ESRRG: variants seen among roughly 807,000 people sequenced by gnomAD.
ESRRG encodes the protein estrogen-related receptor gamma.
ESRRG carries 13 observed loss-of-function variants against 44.0 expected under a neutral mutation model. The ratio of observed to expected loss-of-function variants is 0.30; its 90% CI spans 0.19 to 0.47. ESRRG has a LOEUF of 0.47. Ranked by LOEUF, ESRRG falls within the 20% of genes least tolerant of loss-of-function variation. The pLI is 1.00. For synonymous variants in ESRRG, 215 were observed against 214.6 expected, an observed-to-expected ratio of 1.00 and a Z score of -0.02; for missense variants, 395 against 580.6, an observed-to-expected ratio of 0.68 and a Z score of 3.29.
intron 3 of ESRRG, among the ~76,000 whole-genome samples, chr1:216,592,243 T>A (rs2057781584): frequency 6.6e-6 from 1 of 152,200 alleles, no homozygotes; most frequent in African/African-American, 2.4e-5. Flanking sequence ...GTCAATGAAA[T>A]TAAACTGGTC....
At chr1:216,523,844 CA>C (rs2046837913) in intron 5 of ESRRG, among the ~76,000 whole-genome samples, 1 of 132,640 alleles carries the variant, frequency 7.5e-6, no homozygotes, top group Non-Finnish European at 1.5e-5. Context: ...TTTTCTGTTC[CA>C]CAAAAAAAAA....
intron 1 of ESRRG, among the ~76,000 whole-genome samples, chr1:217,121,593 C>T (rs1407270367): frequency 1.3e-5 from 2 of 151,942 alleles, no homozygotes; most frequent in Non-Finnish European, 2.9e-5. Flanking sequence ...ATGAAAATGA[C>T]TGGAGATAGA....
chr1:216,723,556 G>A (rs2086844840), upstream of ESRRG: 1 of 497,224 alleles, frequency 2.0e-6, no homozygotes, highest in Non-Finnish European at 3.6e-6. Context: ...CAATCAGGAG[G>A]GAGGCGACGG....
intron 2 of ESRRG, among the ~76,000 whole-genome samples, chr1:216,808,910 A>G (rs749260889): frequency 4.6e-5 from 7 of 151,740 alleles, no homozygotes; most frequent in African/African-American, 9.7e-5. Flanking sequence ...TTTTCCTCCT[A>G]TTTTTTTCTT....
intron 5 of ESRRG, among the ~76,000 whole-genome samples, chr1:216,533,463 C>T (rs1273738069): frequency 6.6e-6 from 1 of 151,882 alleles, no homozygotes; most frequent in African/African-American, 2.4e-5. Context: ...GTTAACTGAC[C>T]CCCTATCTCA....
At chr1:216,764,557 C>T (rs1559546687) in intron 2 of ESRRG, among the ~76,000 whole-genome samples, 2 of 148,992 alleles carry the variant, frequency 1.3e-5, no homozygotes, top group Non-Finnish European at 1.5e-5. Context: ...GCATGAGACA[C>T]CATGCCCGGC....
intron 2 of ESRRG, among the ~76,000 whole-genome samples, chr1:216,927,586 G>T (rs900803041): frequency 6.6e-6 from 1 of 152,222 alleles, no homozygotes; most frequent in South Asian, 2.1e-4. Context: ...CACAATCTTA[G>T]GGCCAGCCAT....
At chr1:216,667,276 A>G (rs1270551763) in intron 2 of ESRRG, among the ~76,000 whole-genome samples, 1 of 152,262 alleles carries the variant, frequency 6.6e-6, no homozygotes, top group East Asian at 1.9e-4. Flanking sequence ...AATTTATTCC[A>G]GAATTACATC....
At chr1:217,133,391 A>G (rs1244608378) in intron 1 of ESRRG, among the ~76,000 whole-genome samples, 1 of 152,278 alleles carries the variant, frequency 6.6e-6, no homozygotes, top group African/African-American at 2.4e-5. Context: ...TTTATGCTAA[A>G]GTAAAATTGC....
chr1:217,118,362 C>T (rs942233731), intron 1 of ESRRG, among the ~76,000 whole-genome samples: 10 of 152,204 alleles, frequency 6.6e-5, no homozygotes, highest in Admixed American at 3.3e-4. Context: ...ATAACTGTCA[C>T]ATCTATACTT....
chr1:216,572,711 A>G (rs1293564353), intron 3 of ESRRG, among the ~76,000 whole-genome samples: 4 of 152,074 alleles, frequency 2.6e-5, no homozygotes, highest in African/African-American at 9.7e-5. Flanking sequence ...CAAACTCTGC[A>G]TAATTGGGAT....
chr1:216,924,029 C>A (rs569710654), intron 2 of ESRRG, among the ~76,000 whole-genome samples: 1 of 152,192 alleles, frequency 6.6e-6, no homozygotes, highest in African/African-American at 2.4e-5. Flanking sequence ...TGAGGGAGCC[C>A]AGAATTATTT....
At chr1:216,705,194 G>A (rs533467219) in intron 1 of ESRRG, among the ~76,000 whole-genome samples, 38 of 152,090 alleles carry the variant, frequency 2.5e-4, no homozygotes, top group East Asian at 9.6e-4. Flanking sequence ...AGATTTACAC[G>A]TTTTAAGACT....
At chr1:217,116,939 C>T (rs11576806) in intron 1 of ESRRG, among the ~76,000 whole-genome samples, 22,992 of 152,124 alleles carry the variant, frequency 0.15, 2,285 homozygotes, top group Non-Finnish European at 0.2. Flanking sequence ...ATCAGTCAGC[C>T]TCATTAAGCC....
chr1:217,015,863 G>A (rs888407034), intron 1 of ESRRG, among the ~76,000 whole-genome samples: 6 of 151,890 alleles, frequency 4.0e-5, no homozygotes, highest in African/African-American at 1.5e-4. Context: ...CTGAGTATCT[G>A]GGATTACAGG....
At chr1:216,834,409 T>A (rs1251500818) in intron 2 of ESRRG, among the ~76,000 whole-genome samples, 1 of 151,778 alleles carries the variant, frequency 6.6e-6, no homozygotes, top group Non-Finnish European at 1.5e-5. Flanking sequence ...TCTAATAAAA[T>A]AAAATAAATA....
chr1:217,118,052 C>G (rs1230035738), intron 1 of ESRRG, among the ~76,000 whole-genome samples: 1 of 152,180 alleles, frequency 6.6e-6, no homozygotes, highest in African/African-American at 2.4e-5. Context: ...TTAGTACTTA[C>G]TATGAGCCAG....
intron 2 of ESRRG, among the ~76,000 whole-genome samples, chr1:216,856,069 C>T (rs2095931837): frequency 6.6e-6 from 1 of 151,972 alleles, no homozygotes; most frequent in African/African-American, 2.4e-5. Context: ...TGTGTTGACA[C>T]CTATGGATAC....
At chr1:216,597,077 C>T (rs1472568229) in intron 3 of ESRRG, among the ~76,000 whole-genome samples, 1 of 151,912 alleles carries the variant, frequency 6.6e-6, no homozygotes, top group East Asian at 1.9e-4. Context: ...TAAACAGAAC[C>T]CACATTTACC....
Sources: gnomAD v4.1 joint callset for allele counts (sites outside exome capture counted in the v4.1 genomes callset) on GRCh38, gnomAD v4.1.1 for gene constraint, MANE v1.5 for transcripts, NCBI Gene and HGNC (gene_info 2026-07-23, HGNC 2026-07-21) for gene names.